Variants in FUT8 observed in about 807,000 individuals in gnomAD.
FUT8 encodes alpha-(1,6)-fucosyltransferase.
FUT8 carries 29 observed loss-of-function variants against 71.3 expected under a neutral mutation model. The observed-to-expected ratio is 0.41, with a 90% CI of 0.30 to 0.55. FUT8 has a LOEUF of 0.55. Among genes scored for constraint, FUT8 ranks in the 20% least tolerant of loss-of-function variants. FUT8 has a pLI of 0.34. For missense variants in FUT8, 544 were observed against 702.1 expected (o/e 0.77, Z 2.55); for synonymous variants, 254 against 239.3 (o/e 1.06, Z -0.57).
chr14:65,542,641 T>G (rs550800947), intron 2 of FUT8, among the ~76,000 whole-genome samples: 1 of 152,362 alleles, frequency 6.6e-6, no homozygotes, highest in South Asian at 2.1e-4. Flanking sequence ...GCATGTTTAC[T>G]GCACTTTTGA....
intron 3 of FUT8, among the ~76,000 whole-genome samples, chr14:65,613,945 C>G (rs1889141856): frequency 6.6e-6 from 1 of 151,962 alleles, no homozygotes; most frequent in African/African-American, 2.4e-5. Context: ...AACCCCGTCT[C>G]TACTAAAAAT....
At chr14:65,661,481 T>C (rs1891962150) in intron 6 of FUT8, among the ~76,000 whole-genome samples, 1 of 152,246 alleles carries the variant, frequency 6.6e-6, no homozygotes, top group Non-Finnish European at 1.5e-5. Context: ...TTATATTTAC[T>C]AAATGTTTTC....
At chr14:65,359,515 C>A in the FUT8 span, among the ~76,000 whole-genome samples, 2 of 152,188 alleles carry the variant, frequency 1.3e-5, no homozygotes, top group African/African-American at 4.8e-5. Flanking sequence ...CCCCTCCCCT[C>A]AGCTCTGGCA....
intron 2 of FUT8, among the ~76,000 whole-genome samples, chr14:65,486,592 T>A (rs1169396199): frequency 6.6e-6 from 1 of 152,218 alleles, no homozygotes; most frequent in African/African-American, 2.4e-5. Context: ...CTCAGAAGAA[T>A]GCATTTGTTT....
chr14:65,496,205 T>C (rs569704736), intron 2 of FUT8, among the ~76,000 whole-genome samples: 119 of 152,298 alleles, frequency 7.8e-4, no homozygotes, highest in Non-Finnish European at 1.6e-3. Context: ...CCTGAGTGAT[T>C]TTGGAATAGA....
At chr14:65,624,677 G>A (rs993389002) in intron 5 of FUT8, among the ~76,000 whole-genome samples, 3 of 152,222 alleles carry the variant, frequency 2.0e-5, no homozygotes, top group South Asian at 2.1e-4. Context: ...CACATTTGAC[G>A]TAAAACTGAG....
chr14:65,557,392 T>C (rs1029541577), intron 2 of FUT8, among the ~76,000 whole-genome samples: 1 of 151,168 alleles, frequency 6.6e-6, no homozygotes. Context: ...GAGTGTGGTG[T>C]TGTGATCTCG....
chr14:65,403,736 T>C, the FUT8 span, among the ~76,000 whole-genome samples: 1 of 69,542 alleles, frequency 1.4e-5, no homozygotes, highest in Non-Finnish European at 3.0e-5. Flanking sequence ...TGATAGTGGT[T>C]AATTTTTTTT....
At chr14:65,633,193 A>AT (rs1890305678) in intron 6 of FUT8, among the ~76,000 whole-genome samples, 1 of 151,626 alleles carries the variant, frequency 6.6e-6, no homozygotes, top group African/African-American at 2.4e-5. Context: ...TGGTTTTCGT[A>AT]TTTTTTTGGT....
At chr14:65,601,484 T>G (rs10151921) in intron 3 of FUT8, among the ~76,000 whole-genome samples, 11,186 of 152,234 alleles carry the variant, frequency 0.073, 824 homozygotes, top group African/African-American at 0.19. Context: ...GTGGTCCGAA[T>G]TATGTTAATC....
At chr14:65,397,127 C>T in the FUT8 span, among the ~76,000 whole-genome samples, 5 of 152,162 alleles carry the variant, frequency 3.3e-5, no homozygotes, top group African/African-American at 7.2e-5. This position sits in a 1 kb window ranked among gnomAD's most constrained non-coding sequence, Gnocchi z 4.2. Context: ...GAATATGTAG[C>T]GTCTAAGATC....
chr14:65,710,327 T>G (rs1340913546), intron 7 of FUT8, among the ~76,000 whole-genome samples: 1 of 152,150 alleles, frequency 6.6e-6, no homozygotes, highest in Non-Finnish European at 1.5e-5. Context: ...TGAACAAGAT[T>G]ATTTGTGAGA....
intron 7 of FUT8, among the ~76,000 whole-genome samples, chr14:65,704,013 A>G (rs550234053): frequency 3.3e-5 from 5 of 152,330 alleles, no homozygotes; most frequent in African/African-American, 1.2e-4. Flanking sequence ...TTTCTACTTA[A>G]TAATTCTTAT....
chr14:65,738,344 A>C (rs1896327187), intron 10 of FUT8, among the ~76,000 whole-genome samples: 1 of 152,060 alleles, frequency 6.6e-6, no homozygotes, highest in African/African-American at 2.4e-5. Flanking sequence ...TACTCTGAGA[A>C]AGCTTTGGAG....
chr14:65,649,573 G>A (rs1366678931), intron 6 of FUT8, among the ~76,000 whole-genome samples: 1 of 152,138 alleles, frequency 6.6e-6, no homozygotes, highest in Non-Finnish European at 1.5e-5. Context: ...TTAAATAATG[G>A]ATGAAAATGG....
chr14:65,451,513 T>C (rs918037631), intron 1 of FUT8, among the ~76,000 whole-genome samples: 3 of 152,362 alleles, frequency 2.0e-5, no homozygotes, highest in African/African-American at 7.2e-5. Context: ...TTTGCCTTCT[T>C]TTTGTGAAGT....
At chr14:65,675,010 A>G (rs1198364563) in intron 7 of FUT8, among the ~76,000 whole-genome samples, 1 of 152,236 alleles carries the variant, frequency 6.6e-6, no homozygotes, top group African/African-American at 2.4e-5. Context: ...ATGGGCCACA[A>G]AAGAAAGAAA....
intron 7 of FUT8, among the ~76,000 whole-genome samples, chr14:65,685,937 A>C (rs2140420390): frequency 6.6e-6 from 1 of 152,232 alleles, no homozygotes; most frequent in Middle Eastern, 3.4e-3. Flanking sequence ...TATCAGCAAG[A>C]CCTGTATCTT....
the FUT8 span, among the ~76,000 whole-genome samples, chr14:65,364,147 C>T: frequency 6.6e-6 from 1 of 152,186 alleles, no homozygotes; most frequent in African/African-American, 2.4e-5. Context: ...CAGTAACCAT[C>T]TTTCCTACCT....
Sources: allele counts gnomAD v4.1 joint callset (sites outside exome capture counted in the v4.1 genomes callset), GRCh38; gene constraint gnomAD v4.1.1; non-coding constraint Gnocchi (gnomAD v3.1); transcripts MANE v1.5; gene names NCBI Gene and HGNC (gene_info 2026-07-23, HGNC 2026-07-21).